Variants in FBXW4 observed in about 807,000 individuals in gnomAD.
FBXW4 encodes the protein F-box and WD repeat domain containing 4, also known as F-box/WD repeat-containing protein 4.
Under a neutral mutation model 61.8 loss-of-function variants are expected in FBXW4, and 40 were observed. The ratio of observed to expected loss-of-function variants is 0.65; its 90% CI spans 0.50 to 0.84. FBXW4 has a LOEUF of 0.84. Ranked by LOEUF, FBXW4 falls within the 40% of genes least tolerant of loss-of-function variation. FBXW4 has a pLI of 0.00. For synonymous variants in FBXW4, 311 were observed against 313.8 expected (o/e 0.99, Z 0.10); for missense variants, 672 against 753.8 (o/e 0.89, Z 1.27).
At chr10:101,651,667 G>A (rs545686004) in intron 5 of FBXW4, among the ~76,000 whole-genome samples, 1 of 151,848 alleles carries the variant, frequency 6.6e-6, no homozygotes, top group South Asian at 2.1e-4. Flanking sequence ...ACTGCCTCCC[G>A]GGCCCTCCCC....
At chr10:101,631,738 C>G (rs2063959278) in intron 5 of FBXW4, among the ~76,000 whole-genome samples, 1 of 151,580 alleles carries the variant, frequency 6.6e-6, no homozygotes, top group Admixed American at 6.6e-5. Context: ...AGCAATTCTT[C>G]TGCCTCAGCC....
chr10:101,640,870 G>A lies in FBXW4; in HGVS notation c.1236-16060C>T, dbSNP rs183834788. Reference sequence around the variant, plus strand: ...TTTTGAGACCAAGTCTCACTCTGTCGCTCAGGCTGGAGTACAATGGTGTGA... The same window carrying A: ...TTTTGAGACCAAGTCTCACTCTGTCACTCAGGCTGGAGTACAATGGTGTGA... On this transcript the variant is annotated intron_variant, in intron 5 of 8. Transcript: ENST00000331272. Among the ~76,000 whole-genome samples the A allele has an allele frequency of 1.1e-3, 166 of 145,994 alleles. 1 individual carries two copies. The highest frequency in any genetic ancestry group is 7.0e-3 in the Middle Eastern group (2 of 286).
At position 101,611,403 on chromosome 10, in the gene FBXW4, G is replaced by C. The variant is rs758359860; in HGVS notation, c.1592C>G (p.Pro531Arg). The C allele has an allele frequency of 1.9e-6, 3 of 1,613,268 alleles. No homozygotes were observed. The highest frequency in any genetic ancestry group is 1.7e-6 in the Non-Finnish European group (2 of 1,179,750). Residue 531 changes from proline (P) to arginine (R), a missense_variant, in exon 9 of 9, where the codon CCG becomes CGG. By Grantham distance (103) the Pro-to-Arg change is moderately radical. Transcript: ENST00000331272. The surrounding 1 kb of genome is among the most constrained non-coding windows in gnomAD (Gnocchi z 4.9). ...GCTGCTGAGGGGAGTCGACGTCAGC[G>C]GGAAGGCCTGGAAGGGAGGGCACAG... The part of the protein sequence containing the change: ...RRQRACLHAF[P>R]LTSTPLSSPV...
At chr10:101,615,921 G>T (rs1319458828) in intron 6 of FBXW4, among the ~76,000 whole-genome samples, 1 of 152,166 alleles carries the variant, frequency 6.6e-6, no homozygotes, top group African/African-American at 2.4e-5. Context: ...ACAGCCGCCT[G>T]TACTAGAGCA....
At chr10:101,670,923 A>G (rs948536813) in intron 4 of FBXW4, among the ~76,000 whole-genome samples, 1 of 152,134 alleles carries the variant, frequency 6.6e-6, no homozygotes, top group Non-Finnish European at 1.5e-5. Context: ...TTGCAAAGAG[A>G]TTGTTTTACT....
intron 6 of FBXW4, among the ~76,000 whole-genome samples, chr10:101,617,088 C>G (rs977370160): frequency 1.3e-5 from 2 of 152,174 alleles, no homozygotes; most frequent in African/African-American, 4.8e-5. Flanking sequence ...GCCACCGCAG[C>G]AACAGCTCAC....
chr10:101,694,995 C>A lies in FBXW4; in HGVS notation c.111G>T (p.Arg37Ser). The change falls in exon 1 of 9, where the codon AGG (arginine) becomes AGT (serine). Residue 37 changes from arginine to serine, a missense_variant. Physicochemically the swap from Arg to Ser is moderately radical, Grantham distance 110. This residue lies in a region of FBXW4 where 38 missense variants were observed against 43.3 expected (regional missense o/e 0.88). Transcript: ENST00000331272. The surrounding 1 kb of genome is among the most constrained non-coding windows in gnomAD (Gnocchi z 6.0). ...QEGRVARGKR[R>S]KGKGKGKARA... ...TCGCTTTTCCCTTCCCCTTCCCCTT[C>A]CTTCGCTTCCCCCTCGCCACCCTCC... The A allele has an allele frequency of 8.8e-7, 1 of 1,130,986 alleles. No homozygotes were observed. Among genetic ancestry groups the A allele is most frequent in the South Asian group, 4.4e-5 (1 of 22,934 alleles). The allele number at this position is 1,130,986 out of a possible 1,614,324, so 70.1% of individuals were successfully genotyped here.
In FBXW4 at chr10:101,630,750, G is replaced by T. The variant is rs548096105; in HGVS notation, c.1236-5940C>A. 2.6e-5 allele frequency among the ~76,000 whole-genome samples: 4 copies of T among 152,250 alleles called. No homozygotes were observed. In the South Asian group the frequency reaches 8.3e-4, roughly 32 times the overall value. On this transcript the variant is annotated intron_variant, in intron 5 of 8. Transcript: ENST00000331272. Reference sequence around the variant, plus strand: ...GGCAGGTGAAAGTGTGAGACAACCAGTTCCTAAGATCCAGCCAACAGGGCA... The same window carrying T: ...GGCAGGTGAAAGTGTGAGACAACCATTTCCTAAGATCCAGCCAACAGGGCA...
chr10:101,662,358 C>T (rs796599540), intron 5 of FBXW4, among the ~76,000 whole-genome samples: 51 of 152,286 alleles, frequency 3.3e-4, no homozygotes, highest in African/African-American at 1.2e-3. Flanking sequence ...CAAGAAGGGG[C>T]AGCTCCTCCA....
At chr10:101,643,331 C>A (rs2134848169) in intron 5 of FBXW4, among the ~76,000 whole-genome samples, 1 of 152,364 alleles carries the variant, frequency 6.6e-6, no homozygotes. Context: ...TATGGCTCAA[C>A]TCCCAGGTGC....
At chr10:101,618,401 C>T (rs1415227318) in intron 6 of FBXW4, among the ~76,000 whole-genome samples, 1 of 152,116 alleles carries the variant, frequency 6.6e-6, no homozygotes, top group African/African-American at 2.4e-5. Flanking sequence ...TTTCATTAGG[C>T]ACAGAGGGGG....
chr10:101,672,473 G>A (rs1184619067), intron 4 of FBXW4, among the ~76,000 whole-genome samples: 4 of 152,208 alleles, frequency 2.6e-5, no homozygotes, highest in African/African-American at 9.7e-5. Context: ...ACTCTCCAGA[G>A]AAGCAGTGAA....
chr10:101,682,322 G>A (rs1183024851), intron 1 of FBXW4, among the ~76,000 whole-genome samples: 1 of 152,036 alleles, frequency 6.6e-6, no homozygotes, highest in Non-Finnish European at 1.5e-5. Context: ...GTAGTCCCTG[G>A]TTTTAAATCA....
Position 101,690,465 on chromosome 10 carries a change from A to G in FBXW4, c.725+3916T>C, listed in dbSNP as rs116449345. Among the ~76,000 whole-genome samples, 1,224 of 149,648 alleles carry G rather than the reference A, an allele frequency of 8.2e-3. 20 individuals are homozygous for G. Among genetic ancestry groups the G allele is most frequent in the African/African-American group, 0.029 (1,168 of 40,856 alleles). The stretch of plus-strand genomic sequence containing the variant: ...ACTCCAACTATCTTTGTGTCCCTTT[A>G]AAAAAAAAAGAAAAGTAAGCTTAGG... On this transcript the variant is annotated intron_variant, in intron 1 of 8. Transcript: ENST00000331272.
intron 1 of FBXW4, among the ~76,000 whole-genome samples, chr10:101,683,902 A>C (rs1026920807): frequency 6.6e-5 from 10 of 152,228 alleles, no homozygotes; most frequent in African/African-American, 2.2e-4. Context: ...AAGGGGCACC[A>C]GGCCAAGGAG....
intron 5 of FBXW4, among the ~76,000 whole-genome samples, chr10:101,653,684 A>G (rs1486053152): frequency 6.6e-6 from 1 of 152,194 alleles, no homozygotes; most frequent in African/African-American, 2.4e-5. Flanking sequence ...TACACTGCAT[A>G]TATAACCAAA....
intron 6 of FBXW4, 36 bp from the exon 7 acceptor site, chr10:101,612,513 C>T (rs2063796454): frequency 3.1e-5 from 47 of 1,511,912 alleles, no homozygotes; most frequent in African/African-American, 4.2e-5. Context: ...GGCTGCTCCA[C>T]GTGGGTCATA....
chr10:101,687,702 C>T (rs974547633), intron 1 of FBXW4, among the ~76,000 whole-genome samples: 4 of 152,134 alleles, frequency 2.6e-5, no homozygotes, highest in African/African-American at 7.2e-5. Context: ...AATACGAATC[C>T]CCCTCCAGGT....
chr10:101,662,038 T>C (rs750564258), intron 5 of FBXW4, among the ~76,000 whole-genome samples: 1 of 152,238 alleles, frequency 6.6e-6, no homozygotes, highest in African/African-American at 2.4e-5. Flanking sequence ...CAGCGAGTTA[T>C]GAAGTCCAGG....
Sources: gnomAD v4.1 joint callset for allele counts (sites outside exome capture counted in the v4.1 genomes callset) on GRCh38, gnomAD v4.1.1 for gene constraint, gnomAD v4.1.1 regional missense constraint, Gnocchi (gnomAD v3.1) non-coding constraint, MANE v1.5 for transcripts, NCBI Gene and HGNC (gene_info 2026-07-23, HGNC 2026-07-21) for gene names.